HMG20A: variants seen among roughly 807,000 people sequenced by gnomAD.
The protein encoded by HMG20A is high mobility group 20A, also known as high mobility group protein 20A.
A neutral mutation model predicts 43.9 loss-of-function variants in HMG20A; 17 were observed. The ratio of observed to expected loss-of-function variants is 0.39; its 90% CI spans 0.27 to 0.58. The LOEUF is 0.58. Among genes scored for constraint, HMG20A ranks in the 20% least tolerant of loss-of-function variants. The probability of loss-of-function intolerance (pLI) is 0.59; values close to 1 mark genes in which losing one functional copy is unlikely to be tolerated. For missense variants in HMG20A, 341 were observed against 438.2 expected (o/e 0.78, Z 1.98); for synonymous variants, 132 against 147.5 (o/e 0.89, Z 0.76).
At position 77,458,094 on chromosome 15, in the gene HMG20A, TAAC is replaced by T. The variant is rs541823435; in HGVS notation, c.-4-307_-4-305del. 28 of 226,450 alleles carry T rather than the reference TAAC, an allele frequency of 1.2e-4. No individual in the cohort carries two copies. In the South Asian group the frequency reaches 1.6e-3, roughly 13 times the overall value. The allele number at this position is 226,450 out of a possible 1,614,324, so 14.0% of individuals were successfully genotyped here. On this transcript the variant is annotated intron_variant, in intron 1 of 9. Coordinates refer to ENST00000336216, the MANE Select transcript of HMG20A (RefSeq NM_001304504.2). ...GGCAGTGCTTCTGAGTTACCCTGCT[TAAC>T]AATTTCTACAGGAAATGAATACTTT...
chr15:77,460,696 A>G (rs937104443), intron 2 of HMG20A, among the ~76,000 whole-genome samples: 3 of 152,204 alleles, frequency 2.0e-5, no homozygotes, highest in East Asian at 3.9e-4. Context: ...TTTAAAAGTC[A>G]GACAGAGGCC....
chr15:77,509,316 T>C, the HMG20A span, among the ~76,000 whole-genome samples: 2 of 151,966 alleles, frequency 1.3e-5, no homozygotes, highest in Admixed American at 1.3e-4. Flanking sequence ...TGGAGGGCAG[T>C]GGTCATGGCT....
intron 2 of HMG20A, among the ~76,000 whole-genome samples, chr15:77,459,059 T>A (rs557157913): frequency 6.6e-6 from 1 of 152,370 alleles, no homozygotes; most frequent in South Asian, 2.1e-4. Context: ...TTATCTTTTC[T>A]AGATGTTTAG....
At chr15:77,461,173 T>C (rs1308198468) in intron 2 of HMG20A, among the ~76,000 whole-genome samples, 1 of 151,852 alleles carries the variant, frequency 6.6e-6, no homozygotes, top group Non-Finnish European at 1.5e-5. Flanking sequence ...TCAGGTAAGA[T>C]GGGGGCTGAG....
At chr15:77,463,201 C>A (rs1023439659) in intron 2 of HMG20A, among the ~76,000 whole-genome samples, 1 of 152,148 alleles carries the variant, frequency 6.6e-6, no homozygotes, top group Non-Finnish European at 1.5e-5. Context: ...TTCTTTCTAT[C>A]TGGAATCGTG....
At chr15:77,502,799 C>G in the HMG20A span, among the ~76,000 whole-genome samples, 1 of 152,020 alleles carries the variant, frequency 6.6e-6, no homozygotes, top group Non-Finnish European at 1.5e-5. Context: ...GAGACCCTGT[C>G]TCTACAAAAA....
Position 77,484,331 on chromosome 15 carries a change from G to A in HMG20A, c.*1368G>A, listed in dbSNP as rs11631927. ...GGTTTTTTGGTTGTTCATTGTTTTT[G>A]TTTTTGTTTTTGTTTTGACACTGCA... On this transcript the variant is annotated 3_prime_UTR_variant, in exon 10 of 10. Coordinates refer to ENST00000336216, the MANE Select transcript of HMG20A (RefSeq NM_001304504.2). The A allele has an allele frequency of 0.1, 15,501 of 152,558 alleles. 985 individuals carry two copies. Among genetic ancestry groups the A allele is most frequent in the Middle Eastern group, 0.2 (59 of 298 alleles). The allele number at this position is 152,558 out of a possible 1,614,324, so 9.5% of individuals were successfully genotyped here.
intron 1 of HMG20A, among the ~76,000 whole-genome samples, chr15:77,433,501 A>G (rs1445815367): frequency 6.6e-6 from 1 of 152,228 alleles, no homozygotes; most frequent in Admixed American, 6.5e-5. Context: ...CTTAATGCCA[A>G]GAGCTGGCAG....
At chr15:77,432,455 C>G (rs1341853471) in intron 1 of HMG20A, among the ~76,000 whole-genome samples, 1 of 152,136 alleles carries the variant, frequency 6.6e-6, no homozygotes, top group Non-Finnish European at 1.5e-5. Flanking sequence ...GTCGCAGTGG[C>G]TCACGCCTGT....
intron 6 of HMG20A, among the ~76,000 whole-genome samples, chr15:77,473,978 A>C (rs2072832976): frequency 6.6e-6 from 1 of 152,226 alleles, no homozygotes; most frequent in East Asian, 1.9e-4. Context: ...TTCCTAAATT[A>C]GATAATTTTA....
intron 4 of HMG20A, 107 bp downstream of exon 4, chr15:77,467,414 C>A: frequency 1.1e-6 from 1 of 929,706 alleles, no homozygotes; most frequent in South Asian, 1.6e-5. Context: ...AGTTTTGTCA[C>A]AGTGCCTAGG....
At chr15:77,487,817 T>C (rs2072953513), downstream of HMG20A, among the ~76,000 whole-genome samples, 1 of 152,224 alleles carries the variant, frequency 6.6e-6, no homozygotes, top group Non-Finnish European at 1.5e-5. Context: ...TTACCTTTGA[T>C]ATATAGCCTG....
chr15:77,452,929 A>T lies in HMG20A; in HGVS notation c.-4-5475A>T, dbSNP rs115291903. Among the ~76,000 whole-genome samples, 1,106 of 152,304 alleles carry T rather than the reference A, an allele frequency of 7.3e-3. 15 individuals carry two copies. Among genetic ancestry groups the T allele is most frequent in the African/African-American group, 0.025 (1,050 of 41,554 alleles). ...AACAATACAGTTTTAACCCAATTTT[A>T]AAAATGAGCAAAGGAGGCTGAGTGT... On this transcript the variant is annotated intron_variant, in intron 1 of 9. Coordinates refer to ENST00000336216, the MANE Select transcript of HMG20A (RefSeq NM_001304504.2).
intron 2 of HMG20A, 116 bp downstream of exon 2, chr15:77,458,612 T>C: frequency 1.6e-6 from 1 of 608,646 alleles, no homozygotes; most frequent in East Asian, 2.9e-5. Flanking sequence ...GGTGCACTTG[T>C]TTCACTTTGC....
At chr15:77,458,066 A>C (rs1417024106) in intron 1 of HMG20A, among the ~76,000 whole-genome samples, 1 of 152,228 alleles carries the variant, frequency 6.6e-6, no homozygotes, top group Admixed American at 6.5e-5. Flanking sequence ...GCTTGCTCAG[A>C]GTGGCAGTGC....
At chr15:77,431,827 T>C (rs2073488095) in intron 1 of HMG20A, among the ~76,000 whole-genome samples, 1 of 147,826 alleles carries the variant, frequency 6.8e-6, no homozygotes, top group African/African-American at 2.5e-5. Flanking sequence ...ACTACCATTC[T>C]ACTCTATACT....
At chr15:77,458,043 A>G (rs373073837) in intron 1 of HMG20A, among the ~76,000 whole-genome samples, 4 of 152,216 alleles carry the variant, frequency 2.6e-5, no homozygotes, top group African/African-American at 7.2e-5. Flanking sequence ...TTGTAGCTCA[A>G]AGAGCTTAAA....
chr15:77,461,773 T>G (rs1031880421), intron 2 of HMG20A, among the ~76,000 whole-genome samples: 5 of 152,196 alleles, frequency 3.3e-5, no homozygotes, highest in Admixed American at 2.0e-4. Context: ...GTTCTCATAT[T>G]TTACCAAAAT....
At chr15:77,510,360 C>A in the HMG20A span, among the ~76,000 whole-genome samples, 2 of 152,348 alleles carry the variant, frequency 1.3e-5, no homozygotes, top group Admixed American at 6.5e-5. Context: ...CACTCCTCCC[C>A]CTTCCAGTGT....
Sources: allele counts gnomAD v4.1 joint callset (sites outside exome capture counted in the v4.1 genomes callset), GRCh38; gene constraint gnomAD v4.1.1; transcripts MANE v1.5; gene names NCBI Gene and HGNC (gene_info 2026-07-23, HGNC 2026-07-21).